NKAIN2: variants seen among roughly 807,000 people sequenced by gnomAD.
The protein encoded by NKAIN2 is sodium/potassium-transporting ATPase subunit beta-1-interacting protein 2.
A neutral mutation model predicts 32.6 loss-of-function variants in NKAIN2; 14 were observed. The observed-to-expected ratio is 0.43, with a 90% CI of 0.28 to 0.67. NKAIN2 has a LOEUF of 0.67. Ranked by LOEUF, NKAIN2 falls within the 30% of genes least tolerant of loss-of-function variation. The pLI, the probability that NKAIN2 is intolerant of heterozygous loss-of-function variation, is 0.17. For missense variants in NKAIN2, 198 were observed against 258.3 expected (o/e 0.77, Z 1.60); for synonymous variants, 80 against 87.2 (o/e 0.92, Z 0.46).
chr6:124,219,214 A>C (rs905524880), intron 1 of NKAIN2, among the ~76,000 whole-genome samples: 1 of 152,100 alleles, frequency 6.6e-6, no homozygotes, highest in Non-Finnish European at 1.5e-5. Context: ...AAATTATATT[A>C]GGACAATTTA....
At chr6:124,007,936 G>A (rs553500840) in intron 1 of NKAIN2, among the ~76,000 whole-genome samples, 112 of 152,260 alleles carry the variant, frequency 7.4e-4, no homozygotes, top group African/African-American at 2.6e-3. Context: ...AGGCAAAAAG[G>A]CAAAGAAGTG....
chr6:124,348,891 C>G (rs1461537277), intron 2 of NKAIN2, among the ~76,000 whole-genome samples: 1 of 152,138 alleles, frequency 6.6e-6, no homozygotes, highest in African/African-American at 2.4e-5. Flanking sequence ...GTCACTCCCA[C>G]CCCAATACTG....
chr6:124,361,463 T>C (rs1389395333), intron 3 of NKAIN2, among the ~76,000 whole-genome samples: 1 of 152,046 alleles, frequency 6.6e-6, no homozygotes, highest in Non-Finnish European at 1.5e-5. Context: ...CAAGGGATTA[T>C]TGTACACTTA....
At chr6:124,487,814 C>T (rs973221828) in intron 3 of NKAIN2, among the ~76,000 whole-genome samples, 10 of 151,972 alleles carry the variant, frequency 6.6e-5, no homozygotes, top group African/African-American at 2.2e-4. Flanking sequence ...GTGTATTGCC[C>T]ATGGTCAGAG....
intron 1 of NKAIN2, among the ~76,000 whole-genome samples, chr6:123,818,480 G>A (rs1380536148): frequency 6.6e-6 from 1 of 151,684 alleles, no homozygotes; most frequent in Non-Finnish European, 1.5e-5. Context: ...AACCCAAGAA[G>A]GTTCTGCAAG....
At chr6:124,273,422 T>C (rs2114886182) in intron 1 of NKAIN2, among the ~76,000 whole-genome samples, 2 of 152,286 alleles carry the variant, frequency 1.3e-5, no homozygotes, top group South Asian at 4.1e-4. Context: ...GATTATAAGT[T>C]TCCTGAGGCC....
intron 1 of NKAIN2, among the ~76,000 whole-genome samples, chr6:124,238,145 G>C (rs372924148): frequency 3.3e-5 from 5 of 151,918 alleles, no homozygotes; most frequent in Admixed American, 2.6e-4. Context: ...GACATCTGAG[G>C]GGGTAGATGG....
intron 3 of NKAIN2, chr6:124,390,921 C>A (rs1773114740): frequency 1.3e-5 from 2 of 150,976 alleles, no homozygotes; most frequent in South Asian, 4.2e-4. Context: ...CCATGAGGAA[C>A]TAGGAAAGAG....
At chr6:123,910,499 GTT>G (rs35165515) in intron 1 of NKAIN2, among the ~76,000 whole-genome samples, 5 of 81,320 alleles carry the variant, frequency 6.1e-5, no homozygotes, top group South Asian at 5.0e-4. Flanking sequence ...TGCAATGCAT[GTT>G]TTTTTTTTTT....
At chr6:124,000,362 A>G (rs777591717) in intron 1 of NKAIN2, among the ~76,000 whole-genome samples, 2 of 152,092 alleles carry the variant, frequency 1.3e-5, no homozygotes, top group Non-Finnish European at 2.9e-5. Context: ...CTAGGATGGA[A>G]TATTTGTCTT....
chr6:124,763,675 G>C (rs147267912), intron 4 of NKAIN2, among the ~76,000 whole-genome samples: 2 of 152,126 alleles, frequency 1.3e-5, no homozygotes, highest in Non-Finnish European at 2.9e-5. Flanking sequence ...ACTGCTGAAA[G>C]AGCAGATTTT....
intron 3 of NKAIN2, among the ~76,000 whole-genome samples, chr6:124,544,375 G>T (rs1450146247): frequency 3.3e-5 from 5 of 151,596 alleles, no homozygotes; most frequent in Non-Finnish European, 7.4e-5. Flanking sequence ...GGAGGAGAAG[G>T]AGCTGTGGAA....
chr6:124,374,955 C>T (rs572261595), intron 3 of NKAIN2, among the ~76,000 whole-genome samples: 18 of 152,210 alleles, frequency 1.2e-4, no homozygotes, highest in African/African-American at 4.1e-4. Context: ...TCAGCTCATT[C>T]TCTGCCCACT....
chr6:124,644,564 C>T (rs1283905638), intron 3 of NKAIN2, among the ~76,000 whole-genome samples: 1 of 152,072 alleles, frequency 6.6e-6, no homozygotes, highest in East Asian at 1.9e-4. Context: ...GGCACCACGC[C>T]CAGCTAACTT....
chr6:124,772,540 A>G (rs1778805482), intron 4 of NKAIN2, among the ~76,000 whole-genome samples: 1 of 152,222 alleles, frequency 6.6e-6, no homozygotes, highest in South Asian at 2.1e-4. Context: ...ATGTGCAGGC[A>G]TGATTTTAAA....
intron 1 of NKAIN2, among the ~76,000 whole-genome samples, chr6:123,872,099 T>C (rs1259640677): frequency 6.6e-6 from 1 of 152,152 alleles, no homozygotes; most frequent in Non-Finnish European, 1.5e-5. Flanking sequence ...TACAATTATG[T>C]TTATTATTAT....
chr6:124,393,935 A>C (rs1166375524), intron 3 of NKAIN2, among the ~76,000 whole-genome samples: 1 of 152,144 alleles, frequency 6.6e-6, no homozygotes, highest in African/African-American at 2.4e-5. Context: ...AAAAGAAGTA[A>C]AATCCATTGA....
intron 4 of NKAIN2, among the ~76,000 whole-genome samples, chr6:124,720,177 G>T (rs1420743221): frequency 6.6e-6 from 1 of 152,132 alleles, no homozygotes; most frequent in African/African-American, 2.4e-5. Context: ...GAGTGGAAAA[G>T]AAATGTGTAA....
At chr6:124,597,281 T>C (rs534665178) in intron 3 of NKAIN2, among the ~76,000 whole-genome samples, 1 of 152,244 alleles carries the variant, frequency 6.6e-6, no homozygotes, top group South Asian at 2.1e-4. Flanking sequence ...AAACTTTATA[T>C]AGCTGTCAAT....
Sources: allele counts gnomAD v4.1 joint callset (sites outside exome capture counted in the v4.1 genomes callset), GRCh38; gene constraint gnomAD v4.1.1; transcripts MANE v1.5; gene names NCBI Gene and HGNC (gene_info 2026-07-23, HGNC 2026-07-21).